The following PRKG1 variants were observed in gnomAD, a reference collection of about 807,000 sequenced individuals.
PRKG1 encodes cGMP-dependent protein kinase 1.
A neutral mutation model predicts 88.1 loss-of-function variants in PRKG1; 35 were observed. The ratio of observed to expected loss-of-function variants is 0.40; its 90% CI spans 0.30 to 0.53. The LOEUF is 0.53. Among genes scored for constraint, PRKG1 ranks in the 20% least tolerant of loss-of-function variants. PRKG1 has a pLI of 0.59. For synonymous variants in PRKG1, 303 were observed against 292.5 expected (o/e 1.04, Z -0.37); for missense variants, 540 against 839.8 (o/e 0.64, Z 4.41).
intron 7 of PRKG1, among the ~76,000 whole-genome samples, chr10:52,116,027 A>G (rs925783126): frequency 4.6e-5 from 7 of 152,140 alleles, no homozygotes; most frequent in African/African-American, 1.7e-4. Context: ...GACAGAAAAA[A>G]AAGAGGTGCC....
chr10:51,854,526 T>C (rs1840632743), intron 4 of PRKG1, among the ~76,000 whole-genome samples: 1 of 152,110 alleles, frequency 6.6e-6, no homozygotes. Context: ...CTGTGAAATA[T>C]AACACAACCA....
intron 3 of PRKG1, among the ~76,000 whole-genome samples, chr10:51,741,892 A>G (rs984044122): frequency 1.3e-5 from 2 of 152,244 alleles, no homozygotes; most frequent in Non-Finnish European, 2.9e-5. Flanking sequence ...CAGATCACCA[A>G]CTGGAGGCAG....
chr10:52,163,744 T>C (rs1456333831), intron 9 of PRKG1, among the ~76,000 whole-genome samples: 2 of 152,182 alleles, frequency 1.3e-5, no homozygotes, highest in Non-Finnish European at 2.9e-5. Context: ...TGGCCATTCA[T>C]GGATTCACTT....
chr10:51,976,743 G>T (rs2133100463), intron 5 of PRKG1, among the ~76,000 whole-genome samples: 1 of 151,970 alleles, frequency 6.6e-6, no homozygotes, highest in South Asian at 2.1e-4. Context: ...CAGTTTAAAA[G>T]GCTGAATTTT....
chr10:51,009,739 G>A (rs1842972491), intron 1 of PRKG1, among the ~76,000 whole-genome samples: 1 of 152,116 alleles, frequency 6.6e-6, no homozygotes, highest in Non-Finnish European at 1.5e-5. Flanking sequence ...ATACAAGGTG[G>A]TTCAAAGAAT....
At chr10:51,923,039 G>A (rs1217229723) in intron 5 of PRKG1, among the ~76,000 whole-genome samples, 1 of 151,854 alleles carries the variant, frequency 6.6e-6, no homozygotes, top group African/African-American at 2.4e-5. Context: ...TCTTCTTGTA[G>A]TTTTATCAGT....
At chr10:51,562,249 G>A (rs1163084712) in intron 3 of PRKG1, among the ~76,000 whole-genome samples, 3 of 151,094 alleles carry the variant, frequency 2.0e-5, no homozygotes, top group Admixed American at 6.6e-5. Flanking sequence ...CTACTGTAAT[G>A]TGTGAAAATT....
At chr10:51,197,525 C>T (rs144176086) in intron 2 of PRKG1, among the ~76,000 whole-genome samples, 5,274 of 152,008 alleles carry the variant, frequency 0.035, 300 homozygotes, top group African/African-American at 0.12. Flanking sequence ...CTGCCCACTT[C>T]GGCCTCCCAA....
intron 2 of PRKG1, among the ~76,000 whole-genome samples, chr10:51,279,398 G>T (rs1365346776): frequency 6.6e-6 from 1 of 152,174 alleles, no homozygotes; most frequent in African/African-American, 2.4e-5. Flanking sequence ...TTTGGAATAA[G>T]TGTGATGTGA....
At chr10:51,391,004 T>G (rs973604013) in intron 2 of PRKG1, among the ~76,000 whole-genome samples, 1 of 152,160 alleles carries the variant, frequency 6.6e-6, no homozygotes, top group African/African-American at 2.4e-5. Flanking sequence ...GTAAACATCA[T>G]TTGAGGTGGA....
intron 3 of PRKG1, among the ~76,000 whole-genome samples, chr10:51,499,718 C>T (rs976034775): frequency 4.6e-5 from 7 of 152,148 alleles, no homozygotes; most frequent in African/African-American, 7.2e-5. Flanking sequence ...GCAGGAGGAT[C>T]GCTTGCAGCC....
chr10:51,490,878 A>G (rs1255263094), intron 3 of PRKG1, among the ~76,000 whole-genome samples: 1 of 152,088 alleles, frequency 6.6e-6, no homozygotes, highest in Non-Finnish European at 1.5e-5. Flanking sequence ...CTAGGAAACT[A>G]GTTTATGGAA....
chr10:51,528,936 A>G (rs551500882), intron 3 of PRKG1, among the ~76,000 whole-genome samples: 1 of 152,180 alleles, frequency 6.6e-6, no homozygotes, highest in Non-Finnish European at 1.5e-5. Context: ...ATTAAAATCC[A>G]TAAAAGTTCT....
chr10:52,028,524 A>C (rs538009741), intron 5 of PRKG1, among the ~76,000 whole-genome samples: 1 of 152,254 alleles, frequency 6.6e-6, no homozygotes, highest in Non-Finnish European at 1.5e-5. Flanking sequence ...CTCAAGCATA[A>C]GTTCTGGGAA....
chr10:51,447,613 C>A (rs996896199), intron 2 of PRKG1, among the ~76,000 whole-genome samples: 1 of 143,774 alleles, frequency 7.0e-6, no homozygotes, highest in Admixed American at 6.9e-5. Context: ...ATTCACCCAC[C>A]ATTTCCATTT....
intron 5 of PRKG1, among the ~76,000 whole-genome samples, chr10:51,977,022 A>G (rs1469440202): frequency 6.6e-6 from 1 of 151,950 alleles, no homozygotes; most frequent in Non-Finnish European, 1.5e-5. Flanking sequence ...TTTGTTAGAT[A>G]GGTAAACTTT....
At chr10:52,288,185 A>T (rs1054977074) in intron 14 of PRKG1, among the ~76,000 whole-genome samples, 4 of 152,136 alleles carry the variant, frequency 2.6e-5, no homozygotes, top group Non-Finnish European at 5.9e-5. Context: ...CTGAAACTTG[A>T]TAAAGTGAGG....
intron 5 of PRKG1, among the ~76,000 whole-genome samples, chr10:51,965,439 T>C (rs538791594): frequency 1.6e-4 from 24 of 152,344 alleles, no homozygotes; most frequent in African/African-American, 5.5e-4. Flanking sequence ...AAAGCTCAAA[T>C]TGTATGTAAG....
At chr10:52,167,247 G>A (rs978315083) in intron 9 of PRKG1, among the ~76,000 whole-genome samples, 5 of 151,918 alleles carry the variant, frequency 3.3e-5, no homozygotes, top group African/African-American at 4.8e-5. Context: ...AGGGATCAAG[G>A]GAGATGCCAG....
Sources: allele counts gnomAD v4.1 joint callset (sites outside exome capture counted in the v4.1 genomes callset), GRCh38; gene constraint gnomAD v4.1.1; transcripts MANE v1.5; gene names NCBI Gene and HGNC (gene_info 2026-07-23, HGNC 2026-07-21).